The following SLC71A1 variants were observed in gnomAD, a reference collection of about 807,000 sequenced individuals.
SLC71A1 encodes hippocampus abundant gene transcript 1.
the SLC71A1 span, among the ~76,000 whole-genome samples, chr1:100,066,611 C>T: frequency 9.5e-4 from 144 of 152,304 alleles, no homozygotes; most frequent in Non-Finnish European, 1.7e-3. Context: ...ACACCCCTCC[C>T]CTAAGGACCA....
chr1:100,057,353 CTTTCT>C, the SLC71A1 span, among the ~76,000 whole-genome samples: 11 of 131,718 alleles, frequency 8.4e-5, no homozygotes, highest in Non-Finnish European at 1.3e-4. Flanking sequence ...TTTCCTTTTT[CTTTCT>C]TTTTTTTTTT....
the SLC71A1 span, chr1:100,081,929 C>A: frequency 8.7e-7 from 1 of 1,153,036 alleles, no homozygotes; most frequent in Non-Finnish European, 1.3e-6. Flanking sequence ...TAAGTTAATA[C>A]TAAAAGGTAT....
chr1:100,056,589 G>T, the SLC71A1 span, among the ~76,000 whole-genome samples: 1 of 152,144 alleles, frequency 6.6e-6, no homozygotes, highest in Admixed American at 6.6e-5. Context: ...CAGCCTGGGC[G>T]ACAAGAGCCC....
the SLC71A1 span, among the ~76,000 whole-genome samples, chr1:100,042,581 G>A: frequency 6.6e-6 from 1 of 151,934 alleles, no homozygotes; most frequent in Non-Finnish European, 1.5e-5. Context: ...GCAATAAGAA[G>A]GGCCTGTGGT....
chr1:100,068,150 A>G, the SLC71A1 span: 2 of 1,614,146 alleles, frequency 1.2e-6, no homozygotes, highest in South Asian at 1.1e-5. Flanking sequence ...TGCGGCCAGC[A>G]TCCTGGGGAG....
the SLC71A1 span, among the ~76,000 whole-genome samples, chr1:100,061,526 G>T: frequency 6.6e-6 from 1 of 152,140 alleles, no homozygotes; most frequent in East Asian, 1.9e-4. Context: ...ACTTTAGTTT[G>T]TTGCTGTTTT....
At chr1:100,082,119 G>C in the SLC71A1 span, 1 of 1,614,140 alleles carries the variant, frequency 6.2e-7, no homozygotes, top group South Asian at 1.1e-5. Context: ...CCAGCAGTTG[G>C]AGAAAGCACT....
At chr1:100,071,048 C>T in the SLC71A1 span, among the ~76,000 whole-genome samples, 5 of 152,032 alleles carry the variant, frequency 3.3e-5, no homozygotes, top group African/African-American at 1.2e-4. Flanking sequence ...TCCTAAAAAT[C>T]ATCAGTCTGG....
chr1:100,057,592 G>C, the SLC71A1 span, among the ~76,000 whole-genome samples: 1 of 152,050 alleles, frequency 6.6e-6, no homozygotes, highest in Non-Finnish European at 1.5e-5. Context: ...CACCTCAGGT[G>C]ATCCATCCGC....
chr1:100,066,943 C>T, the SLC71A1 span, among the ~76,000 whole-genome samples: 241 of 141,248 alleles, frequency 1.7e-3, 3 homozygotes, highest in African/African-American at 5.8e-3. Context: ...GAGCCGAGAT[C>T]GCGCCACTGC....
At chr1:100,082,234 T>TATCA in the SLC71A1 span, 2 of 1,582,516 alleles carry the variant, frequency 1.3e-6, no homozygotes, top group African/African-American at 1.3e-5. Flanking sequence ...AAGATTTTTC[T>TATCA]ATCAGCACCC....
chr1:100,039,480 T>C, the SLC71A1 span, among the ~76,000 whole-genome samples: 1 of 152,244 alleles, frequency 6.6e-6, no homozygotes, highest in Non-Finnish European at 1.5e-5. Context: ...GTAATGACTT[T>C]GGAATATATT....
chr1:100,065,691 TTAAGCCTTTTCCC>T, the SLC71A1 span, among the ~76,000 whole-genome samples: 25,149 of 137,462 alleles, frequency 0.18, 3,214 homozygotes, highest in African/African-American at 0.39. Context: ...CCCCTTTTCC[TTAAGCCTTTTCCC>T]TAAGCCTTTT....
chr1:100,077,177 A>G, the SLC71A1 span: 11 of 1,286,824 alleles, frequency 8.5e-6, no homozygotes, highest in Non-Finnish European at 1.2e-5. Flanking sequence ...CATAGTCTTG[A>G]GTTTACTTAT....
the SLC71A1 span, among the ~76,000 whole-genome samples, chr1:100,066,874 A>G: frequency 3.3e-5 from 5 of 150,186 alleles, no homozygotes; most frequent in Non-Finnish European, 7.4e-5. Flanking sequence ...CTGTAGTCCC[A>G]GCTATTCGGG....
chr1:100,038,390 C>A, the SLC71A1 span: 4 of 1,192,284 alleles, frequency 3.4e-6, no homozygotes, highest in African/African-American at 3.0e-5. Flanking sequence ...CCCACACTGC[C>A]GTCTCTAGGC....
the SLC71A1 span, chr1:100,038,433 T>A: frequency 1.2e-6 from 1 of 843,018 alleles, no homozygotes; most frequent in Non-Finnish European, 1.9e-6. Context: ...CCCCACCCTG[T>A]CCGAGCTGCC....
At chr1:100,064,592 C>T in the SLC71A1 span, among the ~76,000 whole-genome samples, 5 of 152,168 alleles carry the variant, frequency 3.3e-5, no homozygotes, top group Non-Finnish European at 7.3e-5. Flanking sequence ...CATGGTTTTG[C>T]CTTTTCTAGA....
chr1:100,043,763 C>T, the SLC71A1 span, among the ~76,000 whole-genome samples: 3 of 152,338 alleles, frequency 2.0e-5, no homozygotes, highest in South Asian at 2.1e-4. Flanking sequence ...TACGCCTTTG[C>T]GTCCTCATAG....
Sources: gnomAD v4.1 joint callset for allele counts (sites outside exome capture counted in the v4.1 genomes callset) on GRCh38, gnomAD v4.1.1 for gene constraint, MANE v1.5 for transcripts, NCBI Gene and HGNC (gene_info 2026-07-23, HGNC 2026-07-21) for gene names.